ABCA13: variants seen among roughly 807,000 people sequenced by gnomAD.
The protein encoded by ABCA13 is ATP-binding cassette sub-family A member 13.
In ABCA13, 476 loss-of-function variants were observed where a neutral mutation model predicts 478.7. The ratio of observed to expected loss-of-function variants is 0.99; its 90% CI spans 0.92 to 1.07. ABCA13 has a LOEUF of 1.07. ABCA13 is among the 50% of genes least tolerant of loss of function. The pLI is 0.00. For missense variants in ABCA13, 6,060 were observed against 5,910.6 expected (o/e 1.03, Z -0.83); for synonymous variants, 2,252 against 2,158.9 (o/e 1.04, Z -1.20).
At chr7:48,549,873 T>G (rs1366365922) in intron 55 of ABCA13, among the ~76,000 whole-genome samples, 1 of 151,928 alleles carries the variant, frequency 6.6e-6, no homozygotes, top group Non-Finnish European at 1.5e-5. Flanking sequence ...TTGAGAAATG[T>G]CTGTTCATAT....
chr7:48,586,034 A>G (rs1377295983), intron 56 of ABCA13, among the ~76,000 whole-genome samples: 1 of 152,208 alleles, frequency 6.6e-6, no homozygotes, highest in South Asian at 2.1e-4. Context: ...GGTGACACAT[A>G]TATCACACAG....
intron 21 of ABCA13, 80 bp from the exon 22 acceptor site, chr7:48,297,152 C>A: frequency 1.7e-6 from 2 of 1,157,326 alleles, no homozygotes; most frequent in Non-Finnish European, 1.2e-6. Flanking sequence ...CTCTTGGGAG[C>A]TGAGGCAGTA....
chr7:48,374,573 A>G (rs1406188454), intron 34 of ABCA13, among the ~76,000 whole-genome samples, 157 bp downstream of exon 34: 1 of 152,214 alleles, frequency 6.6e-6, no homozygotes, highest in Admixed American at 6.5e-5. Context: ...TACACCTCCC[A>G]CTATCTGGTA....
chr7:48,345,091 G>A (rs1366644399), intron 29 of ABCA13, among the ~76,000 whole-genome samples: 4 of 152,136 alleles, frequency 2.6e-5, no homozygotes, highest in Admixed American at 2.0e-4. Context: ...CTACTGCCTA[G>A]TGACTTTGTA....
In ABCA13 at chr7:48,372,210, G is replaced by A. The variant is rs189929911; in HGVS notation, c.10846G>A (p.Ala3616Thr). The change falls in exon 33 of 62, where the codon GCC (alanine) becomes ACC (threonine). Residue 3616 changes from alanine to threonine, a missense_variant. Physicochemically the swap from Ala to Thr is moderately conservative, Grantham distance 58. This residue lies in a region of ABCA13 where 4,423 missense variants were observed against 4,309.1 expected (regional missense o/e 1.03). Transcript: ENST00000435803. Reference sequence around the variant, plus strand: ...AGTGCATCCAGTGATCCATTTCCTGGCCTGGTTCCTGGAGAACATGGCTGT... The same window carrying A: ...AGTGCATCCAGTGATCCATTTCCTGACCTGGTTCCTGGAGAACATGGCTGT... Reference protein sequence around the residue: ...MGVHPVIHFLAWFLENMAVLT... With the variant: ...MGVHPVIHFLTWFLENMAVLT... 8.1e-6 allele frequency: 13 copies of A among 1,613,686 alleles called. No homozygotes were observed. The highest frequency in any genetic ancestry group is 4.0e-5 in the African/African-American group (3 of 74,996).
chr7:48,219,883 A>AACACACACAC (rs3065570), intron 4 of ABCA13, among the ~76,000 whole-genome samples: 66 of 126,572 alleles, frequency 5.2e-4, no homozygotes, highest in South Asian at 1.2e-3. Flanking sequence ...ACCTTCCCCA[A>AACACACACAC]ACACACACAC....
intron 59 of ABCA13, among the ~76,000 whole-genome samples, chr7:48,620,057 G>A (rs774888143): frequency 4.6e-5 from 7 of 152,142 alleles, no homozygotes; most frequent in African/African-American, 1.2e-4. Flanking sequence ...TGCGGGCCTA[G>A]GCTAACCAGA....
intron 42 of ABCA13, among the ~76,000 whole-genome samples, chr7:48,445,011 CTTT>C (rs34045232): frequency 2.1e-5 from 3 of 141,466 alleles, no homozygotes; most frequent in Admixed American, 7.1e-5. Flanking sequence ...TTCTTTCTTT[CTTT>C]TTTTTTTTTT....
At chr7:48,228,493 G>T (rs897984848) in intron 6 of ABCA13, among the ~76,000 whole-genome samples, 61 of 152,144 alleles carry the variant, frequency 4.0e-4, no homozygotes, top group African/African-American at 1.4e-3. Flanking sequence ...GGGGTGGGAG[G>T]CACGGGTGCT....
chr7:48,331,993 C>T (rs1017307948), intron 27 of ABCA13, among the ~76,000 whole-genome samples: 2 of 152,226 alleles, frequency 1.3e-5, no homozygotes, highest in Non-Finnish European at 2.9e-5. Flanking sequence ...TGGAATTATA[C>T]AGCATGTAAC....
chr7:48,323,213 G>T (rs546084439), intron 27 of ABCA13, among the ~76,000 whole-genome samples: 1 of 152,196 alleles, frequency 6.6e-6, no homozygotes, highest in African/African-American at 2.4e-5. Context: ...ATTATTTGTC[G>T]CCTGCTGTAA....
At chr7:48,224,417 C>G (rs576231420) in intron 5 of ABCA13, among the ~76,000 whole-genome samples, 1 of 152,122 alleles carries the variant, frequency 6.6e-6, no homozygotes, top group Non-Finnish European at 1.5e-5. Context: ...TGGGCAGTAC[C>G]TTTGTTCCTG....
At chr7:48,619,143 C>T (rs1249394495) in intron 59 of ABCA13, among the ~76,000 whole-genome samples, 1 of 152,270 alleles carries the variant, frequency 6.6e-6, no homozygotes, top group South Asian at 2.1e-4. Context: ...TTGGTACAGA[C>T]TTTTGTTCTT....
At chr7:48,199,246 G>T (rs986534898) in intron 3 of ABCA13, among the ~76,000 whole-genome samples, 3 of 152,192 alleles carry the variant, frequency 2.0e-5, no homozygotes, top group Non-Finnish European at 4.4e-5. Flanking sequence ...TTTATAAATG[G>T]TGTTGTTTTA....
intron 1 of ABCA13, among the ~76,000 whole-genome samples, chr7:48,190,122 G>T (rs146908375): frequency 0.026 from 3,894 of 152,246 alleles, 162 homozygotes; most frequent in African/African-American, 0.089. Context: ...CAGAGTAAAT[G>T]ATAATTGGTT....
At chr7:48,595,503 T>A (rs565020287) in intron 58 of ABCA13, among the ~76,000 whole-genome samples, 3 of 152,284 alleles carry the variant, frequency 2.0e-5, no homozygotes, top group African/African-American at 7.2e-5. Context: ...GATCTCACAT[T>A]TTGCCCTTTT....
chr7:48,314,191 A>G, intron 25 of ABCA13, 41 bp from the exon 26 acceptor site: 1 of 1,591,752 alleles, frequency 6.3e-7, no homozygotes, highest in South Asian at 1.2e-5. Context: ...AATTGTTTTA[A>G]GTCACTATGT....
intron 15 of ABCA13, among the ~76,000 whole-genome samples, chr7:48,261,685 T>C (rs1338618410): frequency 2.6e-5 from 4 of 152,030 alleles, no homozygotes; most frequent in Non-Finnish European, 5.9e-5. Flanking sequence ...TTTTTTGTTC[T>C]TGTTGCATCT....
intron 55 of ABCA13, among the ~76,000 whole-genome samples, chr7:48,570,191 A>G (rs1196318190): frequency 2.6e-5 from 4 of 151,182 alleles, no homozygotes; most frequent in Non-Finnish European, 5.9e-5. Context: ...TGACCCTTCT[A>G]TTGTTATAAG....
Sources: gnomAD v4.1 joint callset for allele counts (sites outside exome capture counted in the v4.1 genomes callset) on GRCh38, gnomAD v4.1.1 for gene constraint, gnomAD v4.1.1 regional missense constraint, MANE v1.5 for transcripts, NCBI Gene and HGNC (gene_info 2026-07-23, HGNC 2026-07-21) for gene names.